Variants in UGT1A4 observed in about 807,000 individuals in gnomAD.
UGT1A4 encodes the protein UDP-glucuronosyltransferase 1A4.
In UGT1A4, 32 loss-of-function variants were observed where a neutral mutation model predicts 41.1. The ratio of observed to expected loss-of-function variants is 0.78; its 90% CI spans 0.59 to 1.05. UGT1A4 has a LOEUF of 1.05. UGT1A4 is among the 50% of genes least tolerant of loss of function. The probability of loss-of-function intolerance (pLI) is 0.00; values close to 1 mark genes in which losing one functional copy is unlikely to be tolerated. For missense variants in UGT1A4, 748 were observed against 677.4 expected, an observed-to-expected ratio of 1.10 and a Z score of -1.16; for synonymous variants, 283 against 265.1, an observed-to-expected ratio of 1.07 and a Z score of -0.66.
At chr2:233,765,388 A>G (rs776122608) in intron 1 of UGT1A4, among the ~76,000 whole-genome samples, 14 of 152,254 alleles carry the variant, frequency 9.2e-5, no homozygotes, top group Non-Finnish European at 1.5e-4. Flanking sequence ...TGGATAAAGA[A>G]AATGTGGTAC....
chr2:233,727,259 C>T (rs376711129), intron 1 of UGT1A4, among the ~76,000 whole-genome samples: 2 of 152,098 alleles, frequency 1.3e-5, no homozygotes, highest in African/African-American at 4.8e-5. Flanking sequence ...CAGCCCAGAC[C>T]CCTCCTCATC....
intron 1 of UGT1A4, chr2:233,728,967 A>C: frequency 8.9e-6 from 13 of 1,466,634 alleles, no homozygotes; most frequent in Non-Finnish European, 1.2e-5. Flanking sequence ...AAAAACAGTG[A>C]TAGATTAATG....
chr2:233,759,599 A>ACCCCCCCCCCCC (rs1553620419), intron 1 of UGT1A4, among the ~76,000 whole-genome samples: 28 of 108,656 alleles, frequency 2.6e-4, no homozygotes, highest in African/African-American at 6.5e-4. Context: ...CCCACCCCCG[A>ACCCCCCCCCCCC]CCCGCCCCAC....
rs181518181 is a variant in UGT1A4 at position 233,744,372 on chromosome 2, A to G, written c.868-22662A>G. ...AAGACATCCTGTTGTTTAGGACTGC[A>G]GTTCTCCAACGTTCCAGCCCCGGTG... On this transcript the variant is annotated intron_variant, in intron 1 of 4. Transcript: ENST00000373409. Among the ~76,000 whole-genome samples the G allele has an allele frequency of 2.4e-4, 37 of 152,006 alleles. 1 individual carries two copies. Among genetic ancestry groups the G allele is most frequent in the South Asian group, 4.1e-4 (2 of 4,828 alleles).
At chr2:233,728,644 GT>G (rs1404830027) in intron 1 of UGT1A4, among the ~76,000 whole-genome samples, 1 of 152,172 alleles carries the variant, frequency 6.6e-6, no homozygotes, top group African/African-American at 2.4e-5. Context: ...ATGTTGTATG[GT>G]TTTTGGATGC....
chr2:233,724,301 C>T (rs2077213745), intron 1 of UGT1A4, among the ~76,000 whole-genome samples: 1 of 144,624 alleles, frequency 6.9e-6, no homozygotes, highest in Admixed American at 6.8e-5. Context: ...ACCCCCCCAC[C>T]TCCCTCCCGG....
intron 1 of UGT1A4, among the ~76,000 whole-genome samples, chr2:233,765,881 T>G (rs1234531270): frequency 6.6e-6 from 1 of 152,054 alleles, no homozygotes; most frequent in Non-Finnish European, 1.5e-5. Flanking sequence ...GGGCTCACTT[T>G]CTCAGTGCGC....
intron 1 of UGT1A4, among the ~76,000 whole-genome samples, chr2:233,724,261 G>T: frequency 1.0e-5 from 1 of 98,912 alleles, no homozygotes; most frequent in African/African-American, 4.1e-5. Context: ...CTCACCTCCC[G>T]GACGGGGCGG....
At position 233,742,119 on chromosome 2, in the gene UGT1A4, C is replaced by T. The variant is rs142315410; in HGVS notation, c.867+22432C>T. Among the ~76,000 whole-genome samples, 140 of 151,952 alleles carry T rather than the reference C, an allele frequency of 9.2e-4. 4 individuals carry two copies. The highest frequency in any genetic ancestry group is 3.3e-3 in the African/African-American group (138 of 41,214). The stretch of plus-strand genomic sequence containing the variant: ...GACCCACTGCCAAGACCAGCTTGGT[C>T]GTGGAGACCCTAACCCAGCAGCGCT... On this transcript the variant is annotated intron_variant, in intron 1 of 4. Coordinates refer to ENST00000373409, the MANE Select transcript of UGT1A4 (RefSeq NM_007120.3).
chr2:233,728,863 G>A (rs1165888230), intron 1 of UGT1A4, among the ~76,000 whole-genome samples: 1 of 152,190 alleles, frequency 6.6e-6, no homozygotes, highest in Middle Eastern at 3.2e-3. Context: ...AGAAACAAGA[G>A]CTTGAACTTG....
At chr2:233,725,508 T>G (rs1448108269) in intron 1 of UGT1A4, among the ~76,000 whole-genome samples, 1 of 151,984 alleles carries the variant, frequency 6.6e-6, no homozygotes, top group East Asian at 1.9e-4. Context: ...TGAAATTAAT[T>G]TTACTAAGGC....
chr2:233,743,768 G>C lies in UGT1A4; in HGVS notation c.868-23266G>C, dbSNP rs1559387872. The C allele has an allele frequency of 2.9e-6, 4 of 1,367,228 alleles. No individual in the cohort carries two copies. In the African/African-American group the frequency reaches 5.9e-5, roughly 20 times the overall value. 84.7% of individuals were successfully genotyped at this position (1,367,228 alleles called of 1,614,324 possible). A position where few individuals can be genotyped will look rare whatever the true frequency, so the allele number is the denominator to read the frequency against. ...GTCCGACAACACCTCGTAGGCCTCGGCCACCTGCTTGAATCTCCTCTCCGC... is the reference window on the plus strand; with the variant it reads ...GTCCGACAACACCTCGTAGGCCTCGCCCACCTGCTTGAATCTCCTCTCCGC... On this transcript the variant is annotated intron_variant, in intron 1 of 4. Coordinates refer to ENST00000373409, the MANE Select transcript of UGT1A4 (RefSeq NM_007120.3).
rs904896556 is a variant in UGT1A4, at chr2:233,757,560, A to ATATATATG, written c.868-9473_868-9472insATATATGT. On this transcript the variant is annotated intron_variant, in intron 1 of 4. Coordinates refer to ENST00000373409, the MANE Select transcript of UGT1A4 (RefSeq NM_007120.3). ...AATATATATATATATATATATATAT[A>ATATATATG]TGTATATATGATATAGCTATAGTCT... is the stretch of plus-strand genomic sequence containing the variant. 5.4e-4 allele frequency among the ~76,000 whole-genome samples: 66 copies of ATATATATG among 123,154 alleles called. 2 individuals are homozygous for ATATATATG. Among genetic ancestry groups the ATATATATG allele is most frequent in the African/African-American group, 2.2e-3 (65 of 29,360 alleles). The allele number at this position is 123,154 out of a possible 152,430, so 80.8% of individuals were successfully genotyped here. A position where few individuals can be genotyped will look rare whatever the true frequency, so the allele number is the denominator to read the frequency against.
chr2:233,752,553 G>A (rs189829864), intron 1 of UGT1A4: 3 of 152,252 alleles, frequency 2.0e-5, no homozygotes, highest in East Asian at 1.9e-4. Flanking sequence ...CTCTTGCTGG[G>A]ACAACATAGT....
chr2:233,761,268 C>T lies in UGT1A4; in HGVS notation c.868-5766C>T, dbSNP rs991345874. 11 of 1,592,332 alleles carry T rather than the reference C, an allele frequency of 6.9e-6. No homozygotes were observed. In the African/African-American group the frequency reaches 1.5e-4, roughly 21 times the overall value. On this transcript the variant is annotated intron_variant, in intron 1 of 4. Coordinates refer to ENST00000373409, the MANE Select transcript of UGT1A4 (RefSeq NM_007120.3). ...GCATTCTGAGATAATTTAAAATGCC[C>T]TCTTTTGTTAATTTTTGACTCCTAG...
intron 1 of UGT1A4, among the ~76,000 whole-genome samples, chr2:233,758,252 T>G (rs1696828671): frequency 6.6e-6 from 1 of 152,196 alleles, no homozygotes; most frequent in African/African-American, 2.4e-5. Context: ...ACTATTCAGA[T>G]TAGTAAGTAT....
chr2:233,728,352 A>G (rs1195036531), intron 1 of UGT1A4, among the ~76,000 whole-genome samples: 1 of 152,154 alleles, frequency 6.6e-6, no homozygotes, highest in Non-Finnish European at 1.5e-5. Context: ...GGTGAGCAGG[A>G]GCTCCCTGAA....
At chr2:233,760,797 C>T in intron 1 of UGT1A4, 1 of 1,613,492 alleles carries the variant, frequency 6.2e-7, no homozygotes, top group Non-Finnish European at 8.5e-7. Context: ...CCACTGTATT[C>T]TTCTTGCATG....
intron 1 of UGT1A4, among the ~76,000 whole-genome samples, chr2:233,728,930 G>A (rs144892248): frequency 6.9e-6 from 1 of 145,550 alleles, no homozygotes; most frequent in East Asian, 1.9e-4. Flanking sequence ...GTCATGATCG[G>A]TCTTTTCCAG....
Sources: gnomAD v4.1 joint callset for allele counts (sites outside exome capture counted in the v4.1 genomes callset) on GRCh38, gnomAD v4.1.1 for gene constraint, MANE v1.5 for transcripts, NCBI Gene and HGNC (gene_info 2026-07-23, HGNC 2026-07-21) for gene names.